FAM120A: variants seen among roughly 807,000 people sequenced by gnomAD.
FAM120A encodes family with sequence similarity 120 member A, also known as constitutive coactivator of PPAR-gamma-like protein 1.
A neutral mutation model predicts 109.7 loss-of-function variants in FAM120A; 15 were observed. The ratio of observed to expected loss-of-function variants is 0.14; its 90% CI spans 0.09 to 0.21. The LOEUF (loss-of-function observed/expected upper bound fraction) is 0.21. Among genes scored for constraint, FAM120A ranks in the 10% least tolerant of loss-of-function variants. The probability of loss-of-function intolerance (pLI) is 1.00; values close to 1 mark genes in which losing one functional copy is unlikely to be tolerated. For synonymous variants in FAM120A, 493 were observed against 572.8 expected (o/e 0.86, Z 1.99); for missense variants, 899 against 1,439.3 (o/e 0.62, Z 6.07).
intron 10 of FAM120A, among the ~76,000 whole-genome samples, chr9:93,539,286 C>T (rs906519747): frequency 2.6e-5 from 4 of 151,856 alleles, no homozygotes; most frequent in Admixed American, 6.5e-5. Context: ...CGTGAGCCAC[C>T]GCGCCTGGCC....
intron 1 of FAM120A, among the ~76,000 whole-genome samples, chr9:93,454,483 T>TG (rs1232792248): frequency 6.6e-6 from 1 of 152,186 alleles, no homozygotes; most frequent in East Asian, 1.9e-4. Context: ...CTCTCACTCA[T>TG]GGACTGGCCT....
In FAM120A at chr9:93,452,674, A is replaced by T; in HGVS notation, c.474+285A>T. 6.3e-7 allele frequency: 1 copy of T among 1,598,848 alleles called. No individual in the cohort carries two copies. Among genetic ancestry groups the T allele is most frequent in the Non-Finnish European group, 8.5e-7 (1 of 1,179,918 alleles). On this transcript the variant is annotated intron_variant, in intron 1 of 17. Transcript: ENST00000277165. This position sits in a 1 kb window ranked among gnomAD's most constrained non-coding sequence, Gnocchi z 7.0. ...CCCCGGACCAGAATTCGGAGGCGAC[A>T]GTGTCATCATCCCCAATATCCTTAG...
Position 93,562,279 on chromosome 9 carries a change from G to A in FAM120A, c.3020G>A (p.Gly1007Asp). The A allele has an allele frequency of 6.2e-7, 1 of 1,614,134 alleles. No homozygotes were observed. ...FGRGGRYYGR[G>D]YKNQAAIQGR... ...AGAGGTGGAAGGTACTATGGCAGAG[G>A]TTACAAAAACCAGGCAGCAATTCAG... Residue 1007 changes from glycine to aspartate, a missense_variant, in exon 17 of 18, where the codon GGT becomes GAT. This residue lies in a region of FAM120A where 170 missense variants were observed against 205.0 expected (regional missense o/e 0.83). Coordinates refer to ENST00000277165, the MANE Select transcript of FAM120A (RefSeq NM_014612.5).
chr9:93,484,335 G>C (rs1428851756), intron 3 of FAM120A, among the ~76,000 whole-genome samples: 1 of 152,130 alleles, frequency 6.6e-6, no homozygotes, highest in East Asian at 1.9e-4. Context: ...CTTTTAGTTT[G>C]GCTCCTCCCA....
Position 93,558,688 on chromosome 9 carries a change from G to A in FAM120A, c.2776G>A (p.Asp926Asn). ...ACACTGCGGAGCCTTCTCAGGCAGT[G>A]ACAGCAGCAGGACTAGCAAGTCCCA... ...SGHCGAFSGS[D>N]SSRTSKSQGG... The change falls in exon 15 of 18, where the codon GAC (aspartate) becomes AAC (asparagine). Residue 926 changes from aspartate (D) to asparagine (N), a missense_variant. Coordinates refer to ENST00000277165, the MANE Select transcript of FAM120A (RefSeq NM_014612.5). 1 of 1,614,118 alleles carries A rather than the reference G, an allele frequency of 6.2e-7. No individual in the cohort carries two copies. The highest frequency in any genetic ancestry group is 1.1e-5 in the South Asian group (1 of 91,082).
At chr9:93,456,694 G>T (rs1215751066) in intron 1 of FAM120A, among the ~76,000 whole-genome samples, 1 of 152,154 alleles carries the variant, frequency 6.6e-6, no homozygotes, top group South Asian at 2.1e-4. Context: ...ACCTCAAGAC[G>T]GAAGTGGAGT....
intron 5 of FAM120A, among the ~76,000 whole-genome samples, chr9:93,506,602 T>C (rs996502063): frequency 1.3e-5 from 2 of 151,946 alleles, no homozygotes; most frequent in African/African-American, 2.4e-5. Flanking sequence ...TTTTCTTCTT[T>C]TTTTTTTGTT....
chr9:93,554,489 A>G (rs781201761), intron 12 of FAM120A, among the ~76,000 whole-genome samples: 4 of 152,130 alleles, frequency 2.6e-5, no homozygotes, highest in Non-Finnish European at 4.4e-5. Context: ...CCTGGCCAAC[A>G]TGGTGAAAAC....
chr9:93,491,169 C>T (rs56073019), intron 3 of FAM120A, among the ~76,000 whole-genome samples: 11,679 of 152,232 alleles, frequency 0.077, 581 homozygotes, highest in Non-Finnish European at 0.1. Flanking sequence ...GGGAACAGGC[C>T]CAGTAGTGTG....
intron 1 of FAM120A, among the ~76,000 whole-genome samples, chr9:93,458,469 A>C (rs1367447350): frequency 1.3e-5 from 2 of 152,122 alleles, no homozygotes; most frequent in Non-Finnish European, 2.9e-5. Context: ...CAGTCCCTAG[A>C]ATAATGACAC....
At chr9:93,469,768 A>G (rs984450149) in intron 1 of FAM120A, among the ~76,000 whole-genome samples, 4 of 152,094 alleles carry the variant, frequency 2.6e-5, no homozygotes, top group Admixed American at 2.0e-4. Context: ...GTTTTTATGG[A>G]AATGTTTACC....
At chr9:93,523,270 G>A (rs2131439936) in intron 7 of FAM120A, 1 of 1,279,714 alleles carries the variant, frequency 7.8e-7, no homozygotes, top group South Asian at 1.3e-5. Context: ...TGTTTTTCTT[G>A]TCCTTTAAGG....
At chr9:93,543,101 A>C in intron 10 of FAM120A, 121 bp from the exon 11 acceptor site, 2 of 1,220,364 alleles carry the variant, frequency 1.6e-6, no homozygotes. Context: ...CTAAGGAGAG[A>C]ATGCATTGTT....
intron 7 of FAM120A, among the ~76,000 whole-genome samples, chr9:93,518,711 G>A (rs1860716775): frequency 6.6e-6 from 1 of 152,188 alleles, no homozygotes; most frequent in Non-Finnish European, 1.5e-5. Flanking sequence ...CCAGAGCAAA[G>A]GAGGGCAGGA....
chr9:93,539,853 A>C (rs1440635182), intron 10 of FAM120A, among the ~76,000 whole-genome samples: 1 of 152,246 alleles, frequency 6.6e-6, no homozygotes, highest in Non-Finnish European at 1.5e-5. Flanking sequence ...GCCCCTTTGC[A>C]GGGGACTTGT....
At chr9:93,493,540 A>C (rs1564325267) in intron 3 of FAM120A, among the ~76,000 whole-genome samples, 1 of 152,268 alleles carries the variant, frequency 6.6e-6, no homozygotes, top group East Asian at 1.9e-4. Flanking sequence ...GAGTGAGAGC[A>C]GTTTCAGCAT....
At chr9:93,453,157 C>T (rs1857359960) in intron 1 of FAM120A, 1 of 1,002,952 alleles carries the variant, frequency 1.0e-6, no homozygotes, top group Non-Finnish European at 1.2e-6. Flanking sequence ...CGCTCAAAAT[C>T]AGGGGGCGAA....
At chr9:93,506,760 G>T (rs1484777559) in intron 5 of FAM120A, among the ~76,000 whole-genome samples, 1 of 152,006 alleles carries the variant, frequency 6.6e-6, no homozygotes, top group Admixed American at 6.6e-5. Flanking sequence ...ACCATGCCCG[G>T]CTAATTTTTG....
At chr9:93,494,536 G>A (rs1187377494) in intron 3 of FAM120A, among the ~76,000 whole-genome samples, 3 of 152,092 alleles carry the variant, frequency 2.0e-5, no homozygotes, top group African/African-American at 7.2e-5. Context: ...TGCCTGCTCC[G>A]GCTTTTCATC....
Sources: gnomAD v4.1 joint callset for allele counts (sites outside exome capture counted in the v4.1 genomes callset) on GRCh38, gnomAD v4.1.1 for gene constraint, gnomAD v4.1.1 regional missense constraint, Gnocchi (gnomAD v3.1) non-coding constraint, MANE v1.5 for transcripts, NCBI Gene and HGNC (gene_info 2026-07-23, HGNC 2026-07-21) for gene names.